Variants in FHL2 observed in about 807,000 individuals in gnomAD.
FHL2 encodes four and a half LIM domains protein 2.
A neutral mutation model predicts 32.7 loss-of-function variants in FHL2; 20 were observed. The ratio of observed to expected loss-of-function variants is 0.61; its 90% CI spans 0.43 to 0.89. The LOEUF (loss-of-function observed/expected upper bound fraction) is 0.89. Ranked by LOEUF, FHL2 falls within the 40% of genes least tolerant of loss-of-function variation. The probability of loss-of-function intolerance (pLI) is 0.00; values close to 1 mark genes in which losing one functional copy is unlikely to be tolerated. For missense variants in FHL2, 311 were observed against 358.6 expected, an observed-to-expected ratio of 0.87 and a Z score of 1.07; for synonymous variants, 123 against 128.1, an observed-to-expected ratio of 0.96 and a Z score of 0.27.
chr2:105,407,687 T>C (rs758236823), intron 1 of FHL2, among the ~76,000 whole-genome samples: 7 of 152,112 alleles, frequency 4.6e-5, no homozygotes, highest in Non-Finnish European at 7.4e-5. Context: ...GAGCTGAAAA[T>C]GAGGCTGCAG....
rs147314286 is a variant in FHL2, at chr2:105,368,648, C to T, written c.332-909G>A. On this transcript the variant is annotated intron_variant, in intron 4 of 6. Coordinates refer to ENST00000530340, the MANE Select transcript of FHL2 (RefSeq NM_001318895.3). ...GAGAACTGAAACACTTATGGGTCAC[C>T]CCTGCCACCACCAAGCTGGACTCAC... is the stretch of plus-strand genomic sequence containing the variant. 5.5e-4 allele frequency among the ~76,000 whole-genome samples: 84 copies of T among 152,274 alleles called. No individual in the cohort carries two copies. In the Middle Eastern group the frequency reaches 0.017, roughly 31 times the overall value.
chr2:105,404,939 C>T (rs182395437), intron 1 of FHL2, among the ~76,000 whole-genome samples: 4 of 152,284 alleles, frequency 2.6e-5, no homozygotes, highest in East Asian at 1.9e-4. Context: ...AGTTTCCCAT[C>T]CTTGGTTAGA....
chr2:105,397,583 C>A (rs1421767640), intron 1 of FHL2, among the ~76,000 whole-genome samples: 1 of 152,290 alleles, frequency 6.6e-6, no homozygotes, highest in Non-Finnish European at 1.5e-5. Context: ...TGAGACAGAA[C>A]CTATGTGCCC....
chr2:105,389,817 T>C (rs1682580550), intron 2 of FHL2: 1 of 152,260 alleles, frequency 6.6e-6, no homozygotes, highest in Non-Finnish European at 1.5e-5. Flanking sequence ...TGGCAGCTGG[T>C]GAAAGGGGTA....
rs113236359 is a variant in FHL2 at position 105,363,579 on chromosome 2, T to A, written c.502-108A>T. 1.1e-4 allele frequency: 111 copies of A among 1,054,418 alleles called. No homozygotes were observed. The African/African-American group carries it at 1.6e-3, about 15-fold the overall frequency. 65.3% of individuals were successfully genotyped at this position (1,054,418 alleles called of 1,614,324 possible). A position where few individuals can be genotyped will look rare whatever the true frequency, so the allele number is the denominator to read the frequency against. On this transcript the variant is annotated intron_variant, in intron 5 of 6. Coordinates refer to ENST00000530340, the MANE Select transcript of FHL2 (RefSeq NM_001318895.3). ...AAGATCCTCATCCAGAAACGTCCAG[T>A]TTGTTAAGTCACCAAGAAGCTGCTT...
At chr2:105,396,801 A>G (rs1683160271) in intron 1 of FHL2, 104 bp from the exon 2 acceptor site, 5 of 982,674 alleles carry the variant, frequency 5.1e-6, no homozygotes, top group Admixed American at 2.2e-5. Context: ...CTTTGATCAA[A>G]TTCTCATAAT....
chr2:105,417,708 A>T (rs1290815473), intron 1 of FHL2, among the ~76,000 whole-genome samples: 2 of 151,054 alleles, frequency 1.3e-5, no homozygotes, highest in East Asian at 3.9e-4. Context: ...AAAAAAAGAA[A>T]GAAAGAATGA....
chr2:105,382,863 C>A (rs1026144666), intron 3 of FHL2, among the ~76,000 whole-genome samples: 4 of 152,090 alleles, frequency 2.6e-5, no homozygotes, highest in Non-Finnish European at 4.4e-5. Context: ...GCAGCTGTCT[C>A]TGGAGTTATT....
intron 1 of FHL2, among the ~76,000 whole-genome samples, chr2:105,421,574 A>G (rs1262273026): frequency 6.6e-6 from 1 of 150,990 alleles, no homozygotes; most frequent in African/African-American, 2.5e-5. Context: ...CTCTGGCAAC[A>G]AAATGCTCCA....
chr2:105,426,236 G>T lies in FHL2; in HGVS notation c.-25+12163C>A, dbSNP rs181478971. ...CTGCCATAAGGAAGTGAGAAGAAAAGAACTTTCCAGCTTTCTAAAAGGCAA... is the reference window on the plus strand; with the variant it reads ...CTGCCATAAGGAAGTGAGAAGAAAATAACTTTCCAGCTTTCTAAAAGGCAA... On this transcript the variant is annotated intron_variant, in intron 1 of 5. Coordinates refer to the FHL2 transcript ENST00000393352. 9.9e-5 allele frequency among the ~76,000 whole-genome samples: 15 copies of T among 152,266 alleles called. No individual in the cohort carries two copies. In the East Asian group the frequency reaches 2.1e-3, roughly 22 times the overall value.
chr2:105,363,123 T>C, intron 6 of FHL2, 162 bp downstream of exon 6: 1 of 636,612 alleles, frequency 1.6e-6, no homozygotes. Flanking sequence ...GCATAGCCAG[T>C]GCACCAAGGA....
chr2:105,418,130 T>C (rs527416368), intron 1 of FHL2, among the ~76,000 whole-genome samples: 1 of 152,168 alleles, frequency 6.6e-6, no homozygotes, highest in Non-Finnish European at 1.5e-5. Context: ...TTCCACCATG[T>C]GGGTAAATGG....
Position 105,371,592 on chromosome 2 carries a change from A to G in FHL2, c.331+1967T>C, listed in dbSNP as rs1228713760. On this transcript the variant is annotated intron_variant, in intron 4 of 6. Transcript: ENST00000530340. Reference sequence around the variant, plus strand: ...TCTCTCTCTCCTTATGTATGTATCTATGTGTATACATTTCCTTGATTGATT... The same window carrying G: ...TCTCTCTCTCCTTATGTATGTATCTGTGTGTATACATTTCCTTGATTGATT... Among the ~76,000 whole-genome samples, 5 of 147,058 alleles carry G rather than the reference A, an allele frequency of 3.4e-5. No individual in the cohort carries two copies. The East Asian group carries it at 1.0e-3, about 30-fold the overall frequency.
Position 105,386,551 on chromosome 2 carries a change from G to T in FHL2, c.-24-11C>A. On this transcript the variant is annotated splice_polypyrimidine_tract_variant and intron_variant, in intron 2 of 6. Transcript: ENST00000530340. ...TGGCTTTTCAGCAACCTATCAAAAA[G>T]AAAAGAAAATCCAAGTCCCATTAAG... 6.2e-7 allele frequency: 1 copy of T among 1,613,440 alleles called. No individual in the cohort carries two copies. Among genetic ancestry groups the T allele is most frequent in the East Asian group, 2.2e-5 (1 of 44,870 alleles).
chr2:105,410,497 C>T (rs923226540), intron 1 of FHL2, among the ~76,000 whole-genome samples: 8 of 152,126 alleles, frequency 5.3e-5, no homozygotes, highest in African/African-American at 1.2e-4. Flanking sequence ...ACCAGTCTCT[C>T]GGTAGATATC....
At chr2:105,429,504 TAGA>T (rs373999974) in intron 1 of FHL2, among the ~76,000 whole-genome samples, 6 of 152,106 alleles carry the variant, frequency 3.9e-5, no homozygotes, top group East Asian at 1.9e-4. Context: ...GCTTTGAAGA[TAGA>T]AGAAGGGGCC....
At chr2:105,417,125 G>A (rs772456282) in intron 1 of FHL2, among the ~76,000 whole-genome samples, 14 of 149,030 alleles carry the variant, frequency 9.4e-5, no homozygotes, top group South Asian at 2.1e-4. Flanking sequence ...GGCTCACGCC[G>A]GTAATCCCAG....
chr2:105,396,024 C>G (rs1683102725), intron 2 of FHL2, among the ~76,000 whole-genome samples: 1 of 152,134 alleles, frequency 6.6e-6, no homozygotes, highest in Non-Finnish European at 1.5e-5. Context: ...AAAGCCAAGA[C>G]TCCCAGGAGC....
chr2:105,416,449 TC>T (rs1411742336), intron 1 of FHL2, among the ~76,000 whole-genome samples: 1 of 152,204 alleles, frequency 6.6e-6, no homozygotes, highest in African/African-American at 2.4e-5. Context: ...TTGATAGCCA[TC>T]TCAGATCATC....
Sources: gnomAD v4.1 joint callset for allele counts (sites outside exome capture counted in the v4.1 genomes callset) on GRCh38, gnomAD v4.1.1 for gene constraint, MANE v1.5 for transcripts, NCBI Gene and HGNC (gene_info 2026-07-23, HGNC 2026-07-21) for gene names.